Variants in ESRRG observed in about 807,000 individuals in gnomAD.
ESRRG encodes the protein estrogen-related receptor gamma.
A neutral mutation model predicts 44.0 loss-of-function variants in ESRRG; 13 were observed. The observed-to-expected ratio is 0.30, with a 90% confidence interval of 0.19 to 0.47. The LOEUF is 0.47. Among genes scored for constraint, ESRRG ranks in the 20% least tolerant of loss-of-function variants. The probability of loss-of-function intolerance (pLI) is 1.00; values close to 1 mark genes in which losing one functional copy is unlikely to be tolerated. For missense variants in ESRRG, 395 were observed against 580.6 expected (o/e 0.68, Z 3.29); for synonymous variants, 215 against 214.6 (o/e 1.00, Z -0.02).
chr1:216,569,000 A>G (rs10779266), intron 3 of ESRRG, among the ~76,000 whole-genome samples: 127,998 of 151,218 alleles, frequency 0.85, 54,536 homozygotes, highest in Middle Eastern at 0.88. Flanking sequence ...GTTGCAGTGA[A>G]CTGAGACTAT....
At chr1:216,841,668 A>G (rs373481838) in intron 2 of ESRRG, among the ~76,000 whole-genome samples, 2 of 152,150 alleles carry the variant, frequency 1.3e-5, no homozygotes, top group South Asian at 4.1e-4. Context: ...TTATCACGCC[A>G]GCACCTCTTA....
chr1:216,716,619 G>A (rs2084931563), intron 1 of ESRRG, among the ~76,000 whole-genome samples: 1 of 151,776 alleles, frequency 6.6e-6, no homozygotes, highest in Non-Finnish European at 1.5e-5. Context: ...TTCACTCAAA[G>A]AAAAATGAGA....
At chr1:216,557,871 A>G (rs954979881) in intron 5 of ESRRG, among the ~76,000 whole-genome samples, 32 of 152,150 alleles carry the variant, frequency 2.1e-4, no homozygotes, top group Non-Finnish European at 4.7e-4. Flanking sequence ...ACACTCAAAT[A>G]CTTAAATTGC....
intron 3 of ESRRG, among the ~76,000 whole-genome samples, chr1:216,620,524 A>T (rs542852790): frequency 6.6e-6 from 1 of 152,186 alleles, no homozygotes; most frequent in Non-Finnish European, 1.5e-5. Flanking sequence ...TGGCAAACCT[A>T]TAAAAAGAAT....
At position 217,047,555 on chromosome 1, in the gene ESRRG, G is replaced by A. The variant is rs892561303; in HGVS notation, c.-106+41952C>T. The stretch of plus-strand genomic sequence containing the variant: ...GTCCAAGCTACGAATATCTTTCTGA[G>A]GAGACCTTGTTTCTATTTTTAGTAG... On this transcript the variant is annotated intron_variant, in intron 1 of 7. Transcript: ENST00000359162. 5.4e-4 allele frequency among the ~76,000 whole-genome samples: 82 copies of A among 152,074 alleles called. 2 individuals carry two copies. The highest frequency in any genetic ancestry group is 1.5e-5 in the Non-Finnish European group (1 of 68,022).
At chr1:216,674,889 A>G (rs1373054534) in intron 2 of ESRRG, among the ~76,000 whole-genome samples, 2 of 150,646 alleles carry the variant, frequency 1.3e-5, no homozygotes, top group Admixed American at 1.3e-4. Context: ...GTGGGATTAC[A>G]GGCATGAGCC....
intron 2 of ESRRG, among the ~76,000 whole-genome samples, chr1:216,906,708 C>A (rs2059722971): frequency 6.6e-6 from 1 of 152,170 alleles, no homozygotes; most frequent in African/African-American, 2.4e-5. Context: ...GGACCCAACA[C>A]CTAGAAGAGA....
intron 1 of ESRRG, among the ~76,000 whole-genome samples, chr1:216,956,385 T>C (rs1455205048): frequency 6.6e-6 from 1 of 152,182 alleles, no homozygotes; most frequent in African/African-American, 2.4e-5. Context: ...ATGAATGTTA[T>C]TGGCACCTTT....
intron 1 of ESRRG, among the ~76,000 whole-genome samples, chr1:216,690,942 T>G (rs1316959331): frequency 6.6e-6 from 1 of 152,212 alleles, no homozygotes; most frequent in Admixed American, 6.5e-5. Flanking sequence ...TAAAAACTTA[T>G]AAAATCCTTG....
chr1:216,818,376 T>C (rs974583197), intron 2 of ESRRG, among the ~76,000 whole-genome samples: 10 of 152,216 alleles, frequency 6.6e-5, no homozygotes, highest in African/African-American at 2.2e-4. Context: ...CATTATTCAA[T>C]ATTGTAACAA....
intron 3 of ESRRG, among the ~76,000 whole-genome samples, chr1:216,623,686 G>A (rs139536710): frequency 2.6e-5 from 4 of 152,164 alleles, no homozygotes; most frequent in African/African-American, 9.6e-5. Flanking sequence ...CCAATGTCAC[G>A]TTAAATACCG....
chr1:216,711,454 G>A (rs956346300), intron 1 of ESRRG, among the ~76,000 whole-genome samples: 2 of 152,174 alleles, frequency 1.3e-5, no homozygotes, highest in Non-Finnish European at 2.9e-5. Flanking sequence ...ATGAATGTGA[G>A]GATGAAATAT....
intron 3 of ESRRG, among the ~76,000 whole-genome samples, chr1:216,622,678 C>T (rs1227283887): frequency 2.0e-5 from 3 of 151,916 alleles, no homozygotes; most frequent in African/African-American, 7.3e-5. Context: ...ATTGGTAGGG[C>T]ATGCCTTTTA....
At chr1:216,773,134 T>C (rs2093449845) in intron 2 of ESRRG, among the ~76,000 whole-genome samples, 1 of 151,962 alleles carries the variant, frequency 6.6e-6, no homozygotes, top group South Asian at 2.1e-4. Context: ...AGAATCTCAA[T>C]CAAGTAAAGG....
chr1:217,067,873 C>A (rs558085422), intron 1 of ESRRG, among the ~76,000 whole-genome samples: 5 of 152,118 alleles, frequency 3.3e-5, no homozygotes, highest in Non-Finnish European at 5.9e-5. Flanking sequence ...ACACTGACAC[C>A]CACATTTTGG....
At chr1:216,794,636 G>T (rs2094425066) in intron 2 of ESRRG, among the ~76,000 whole-genome samples, 1 of 152,154 alleles carries the variant, frequency 6.6e-6, no homozygotes, top group Admixed American at 6.5e-5. Flanking sequence ...CACTGACTAA[G>T]CCCCTTTCCT....
intron 2 of ESRRG, among the ~76,000 whole-genome samples, chr1:216,801,087 C>T (rs1353635378): frequency 6.6e-6 from 1 of 152,078 alleles, no homozygotes; most frequent in Admixed American, 6.6e-5. Context: ...CCTCATCTCA[C>T]AGTTGCCCAT....
chr1:216,853,526 C>CTT (rs2095871714), intron 2 of ESRRG, among the ~76,000 whole-genome samples: 4 of 152,146 alleles, frequency 2.6e-5, no homozygotes, highest in Admixed American at 6.5e-5. Context: ...TTTTTCTGTT[C>CTT]TTTCACACAC....
At chr1:216,674,755 G>A (rs2075800821) in intron 2 of ESRRG, among the ~76,000 whole-genome samples, 1 of 151,694 alleles carries the variant, frequency 6.6e-6, no homozygotes, top group African/African-American at 2.4e-5. Flanking sequence ...GACTACAGGT[G>A]CATGCCACCA....
Sources: allele counts gnomAD v4.1 joint callset (sites outside exome capture counted in the v4.1 genomes callset), GRCh38; gene constraint gnomAD v4.1.1; transcripts MANE v1.5; gene names NCBI Gene and HGNC (gene_info 2026-07-23, HGNC 2026-07-21).